The following REDIC1 variants were observed in gnomAD, a reference collection of about 807,000 sequenced individuals.
REDIC1 encodes the protein regulator of DNA class I crossover intermediates 1.
the REDIC1 span, among the ~76,000 whole-genome samples, chr12:39,732,081 T>C: frequency 6.6e-6 from 1 of 152,196 alleles, no homozygotes; most frequent in East Asian, 1.9e-4. Flanking sequence ...CTTCCTTGCA[T>C]ATCTTTACAG....
At chr12:39,748,612 A>G in the REDIC1 span, among the ~76,000 whole-genome samples, 2 of 152,226 alleles carry the variant, frequency 1.3e-5, no homozygotes, top group Non-Finnish European at 2.9e-5. Context: ...TCAACACAAT[A>G]TACATTCTTC....
chr12:39,672,368 A>G, the REDIC1 span, among the ~76,000 whole-genome samples: 13 of 152,000 alleles, frequency 8.6e-5, no homozygotes, highest in Non-Finnish European at 4.4e-5. Context: ...GTGGGTGGGG[A>G]AAGCCTGTCC....
the REDIC1 span, among the ~76,000 whole-genome samples, chr12:39,861,766 G>A: frequency 1.3e-5 from 2 of 152,174 alleles, no homozygotes; most frequent in Middle Eastern, 3.2e-3. Context: ...GGGACCCTAT[G>A]ACAGCTTTTA....
chr12:39,690,051 C>G, the REDIC1 span, among the ~76,000 whole-genome samples: 137 of 152,206 alleles, frequency 9.0e-4, no homozygotes, highest in Non-Finnish European at 1.5e-3. Context: ...GCAGTGGAAC[C>G]CTGACTAAAA....
the REDIC1 span, among the ~76,000 whole-genome samples, chr12:39,710,993 C>T: frequency 6.6e-5 from 10 of 151,430 alleles, no homozygotes; most frequent in Non-Finnish European, 1.0e-4. Context: ...GCACCCATCA[C>T]CCGAGCAGTA....
chr12:39,641,031 G>A, the REDIC1 span: 4 of 1,543,868 alleles, frequency 2.6e-6, no homozygotes, highest in East Asian at 6.8e-5. Flanking sequence ...TCAGCCTTAT[G>A]AGACTAATAA....
At chr12:39,867,466 A>C in the REDIC1 span, among the ~76,000 whole-genome samples, 1 of 152,120 alleles carries the variant, frequency 6.6e-6, no homozygotes, top group African/African-American at 2.4e-5. Flanking sequence ...AAAAAAACAA[A>C]AACAAAAACA....
the REDIC1 span, among the ~76,000 whole-genome samples, chr12:39,789,624 C>T: frequency 2.6e-5 from 4 of 152,140 alleles, no homozygotes; most frequent in Non-Finnish European, 5.9e-5. Flanking sequence ...ATAGATAATA[C>T]AAACTGTGTC....
the REDIC1 span, among the ~76,000 whole-genome samples, chr12:39,896,611 T>C: frequency 1.1e-4 from 16 of 151,438 alleles, no homozygotes; most frequent in Non-Finnish European, 2.1e-4. Context: ...TATGTATATG[T>C]GTTTATATGT....
chr12:39,688,373 A>G, the REDIC1 span, among the ~76,000 whole-genome samples: 1 of 152,234 alleles, frequency 6.6e-6, no homozygotes, highest in African/African-American at 2.4e-5. Flanking sequence ...TGTTTACCAA[A>G]TGGTCAAATT....
chr12:39,797,786 G>A, the REDIC1 span, among the ~76,000 whole-genome samples: 1 of 148,082 alleles, frequency 6.8e-6, no homozygotes, highest in African/African-American at 2.5e-5. Context: ...ATACACGGAT[G>A]CATACTGAAA....
At chr12:39,861,684 G>A in the REDIC1 span, among the ~76,000 whole-genome samples, 1 of 152,166 alleles carries the variant, frequency 6.6e-6, no homozygotes, top group Non-Finnish European at 1.5e-5. Flanking sequence ...AAAGAAATAT[G>A]TGTGTGAACT....
the REDIC1 span, among the ~76,000 whole-genome samples, chr12:39,681,925 A>G: frequency 6.6e-6 from 1 of 152,188 alleles, no homozygotes; most frequent in Non-Finnish European, 1.5e-5. Context: ...CACTGACAAT[A>G]AAATAAGAAA....
chr12:39,895,257 G>T, the REDIC1 span, among the ~76,000 whole-genome samples: 1 of 151,784 alleles, frequency 6.6e-6, no homozygotes, highest in East Asian at 1.9e-4. Flanking sequence ...AAAAAAGGCC[G>T]AGGCGGGCGG....
chr12:39,684,768 T>C, the REDIC1 span: 28 of 789,852 alleles, frequency 3.5e-5, no homozygotes, highest in Non-Finnish European at 5.8e-5. Context: ...GCTTCCCATA[T>C]AATTCTGATC....
chr12:39,645,832 C>T, the REDIC1 span, among the ~76,000 whole-genome samples: 1 of 152,044 alleles, frequency 6.6e-6, no homozygotes, highest in East Asian at 1.9e-4. Context: ...GAACTCTTGG[C>T]CTCAAGCCAT....
At chr12:39,777,352 T>C in the REDIC1 span, among the ~76,000 whole-genome samples, 7 of 152,208 alleles carry the variant, frequency 4.6e-5, no homozygotes, top group African/African-American at 1.7e-4. Context: ...TGAGTTTATT[T>C]AGATGAAGGT....
the REDIC1 span, among the ~76,000 whole-genome samples, chr12:39,899,759 A>G: frequency 1.3e-5 from 2 of 152,124 alleles, no homozygotes; most frequent in African/African-American, 2.4e-5. Flanking sequence ...ATTCAGGAGC[A>G]GGTTGTTCAG....
At chr12:39,708,760 C>T in the REDIC1 span, among the ~76,000 whole-genome samples, 2 of 151,624 alleles carry the variant, frequency 1.3e-5, no homozygotes, top group Admixed American at 6.6e-5. Flanking sequence ...AATACCATAC[C>T]GCTTTTATTA....
Sources: allele counts gnomAD v4.1 joint callset (sites outside exome capture counted in the v4.1 genomes callset), GRCh38; gene constraint gnomAD v4.1.1; transcripts MANE v1.5; gene names NCBI Gene and HGNC (gene_info 2026-07-23, HGNC 2026-07-21).